BRAT1: variants seen among roughly 807,000 people sequenced by gnomAD.
BRAT1 encodes the protein BRCA1 associated ATM activator 1, also known as integrator complex assembly factor BRAT1.
BRAT1 carries 74 observed loss-of-function variants against 70.6 expected under a neutral mutation model. The observed-to-expected ratio is 1.05, with a 90% CI of 0.87 to 1.27. The LOEUF (loss-of-function observed/expected upper bound fraction) is 1.27, where lower values mean the gene tolerates loss of function less well. Ranked by LOEUF, BRAT1 falls within the 50% of genes most tolerant of loss-of-function variation. The pLI is 0.00. For synonymous variants in BRAT1, 615 were observed against 517.1 expected, an observed-to-expected ratio of 1.19 and a Z score of -2.57; for missense variants, 1,203 against 1,098.2, an observed-to-expected ratio of 1.10 and a Z score of -1.35.
intron 2 of BRAT1, among the ~76,000 whole-genome samples, chr7:2,548,555 A>C (rs1473486286): frequency 6.6e-6 from 1 of 151,996 alleles, no homozygotes; most frequent in Non-Finnish European, 1.5e-5. Flanking sequence ...AGTCCCAGCT[A>C]CTCAGGAGGC....
intron 2 of BRAT1, among the ~76,000 whole-genome samples, chr7:2,549,348 G>T (rs531825661): frequency 2.0e-5 from 3 of 152,008 alleles, no homozygotes; most frequent in African/African-American, 7.2e-5. Context: ...ATGGTGGCGC[G>T]CATCTATAGT....
chr7:2,541,092 C>G (rs1465212556), intron 9 of BRAT1, 40 bp from the exon 10 acceptor site: 1 of 1,505,268 alleles, frequency 6.6e-7, no homozygotes, highest in Non-Finnish European at 8.8e-7. Flanking sequence ...CCCACCCCCA[C>G]CCTAGGACCC....
At chr7:2,550,626 T>A (rs1779939797) in intron 2 of BRAT1, among the ~76,000 whole-genome samples, 1 of 151,234 alleles carries the variant, frequency 6.6e-6, no homozygotes, top group African/African-American at 2.4e-5. Context: ...GCAAACAAAT[T>A]AGCAAGAACA....
rs1330343180 is a variant in BRAT1 at position 2,539,694 on chromosome 7, C to T, written c.1499-52G>A. 6 of 1,550,390 alleles carry T rather than the reference C, an allele frequency of 3.9e-6. No homozygotes were observed. In the South Asian group the frequency reaches 5.9e-5, roughly 15 times the overall value. On this transcript the variant is annotated intron_variant, in intron 11 of 13. Transcript: ENST00000340611. ...TGACCTTGGGGCCAGGCTCACCCTG[C>T]CCTCAGAGCCAGCTGAGCCATTCCA...
At chr7:2,545,496 C>CTTCT (rs1554296640) in intron 3 of BRAT1, among the ~76,000 whole-genome samples, 1 of 130,026 alleles carries the variant, frequency 7.7e-6, no homozygotes, top group African/African-American at 3.0e-5. Context: ...CTTTCTTCTT[C>CTTCT]TTTTTTTTTT....
Position 2,539,906 on chromosome 7 carries a change from G to C in BRAT1, c.1396-18C>G, listed in dbSNP as rs1779014718. ...TTCAGAACCTGGAGCAGATAGGGTG[G>C]GCTGCAGGGCCACGGGAGACGGAGG... is the stretch of plus-strand genomic sequence containing the variant. On this transcript the variant is annotated intron_variant, in intron 10 of 13. Transcript: ENST00000340611. 1.3e-6 allele frequency: 2 copies of C among 1,494,552 alleles called. No individual in the cohort carries two copies. Among genetic ancestry groups the C allele is most frequent in the Non-Finnish European group, 1.8e-6 (2 of 1,116,872 alleles). The allele number at this position is 1,494,552 out of a possible 1,614,324, so 92.6% of individuals were successfully genotyped here.
chr7:2,552,499 G>A (rs1327727887), intron 2 of BRAT1, among the ~76,000 whole-genome samples: 1 of 151,738 alleles, frequency 6.6e-6, no homozygotes, highest in Non-Finnish European at 1.5e-5. Context: ...AGCAGAGGCA[G>A]GTGACTGCCT....
chr7:2,545,971 T>G (rs1317023886), intron 3 of BRAT1, among the ~76,000 whole-genome samples: 1 of 152,226 alleles, frequency 6.6e-6, no homozygotes, highest in African/African-American at 2.4e-5. Flanking sequence ...GTACTGGATG[T>G]GCCTTCGCAC....
Position 2,538,255 on chromosome 7 carries a change from C to T in BRAT1, c.2280G>A (p.Gln760=). 2 of 1,610,750 alleles carry T rather than the reference C, an allele frequency of 1.2e-6. No individual in the cohort carries two copies. Among genetic ancestry groups the T allele is most frequent in the Non-Finnish European group, 1.7e-6 (2 of 1,179,058 alleles). ...GCTCCTGGTCCCCTGGGGGCTGGGC[C>T]TGCTCACCCGCCCGCCACCTCGGCA... ...ATLPRWRAGE[Q]AQPPGDQEPE... The change falls in exon 14 of 14, where the codon CAG becomes CAA. Residue 760 remains glutamine (Q), a synonymous_variant. Transcript: ENST00000340611.
intron 2 of BRAT1, among the ~76,000 whole-genome samples, chr7:2,550,093 G>T (rs1413445576): frequency 6.6e-6 from 1 of 151,548 alleles, no homozygotes; most frequent in African/African-American, 2.4e-5. Flanking sequence ...AGCCCAGGAA[G>T]TTGAGGCTAC....
At chr7:2,541,207 G>C in intron 9 of BRAT1, 91 bp downstream of exon 9, 4 of 1,374,342 alleles carry the variant, frequency 2.9e-6, no homozygotes, top group Non-Finnish European at 3.9e-6. Flanking sequence ...AAGAAACAGA[G>C]AGGGACAGCA....
chr7:2,539,678 G>A (rs1193462803), intron 11 of BRAT1, 36 bp from the exon 12 acceptor site: 1 of 1,562,472 alleles, frequency 6.4e-7, no homozygotes, highest in East Asian at 2.4e-5. Flanking sequence ...GTGACCTTGG[G>A]GCCAGGCTCA....
Position 2,547,332 on chromosome 7 carries a change from A to G in BRAT1, c.274T>C (p.Tyr92His). ...GGAGGCCCCAGGCTCACCTGAAGATACTGGAAGCAGTTTTCCTGGGCTGCG... is the reference window on the plus strand; with the variant it reads ...GGAGGCCCCAGGCTCACCTGAAGATGCTGGAAGCAGTTTTCCTGGGCTGCG... Reference protein sequence around the residue: ...TFAAQENCFQYLQQGELLPGL... With the variant: ...TFAAQENCFQHLQQGELLPGL... The change falls in exon 3 of 14, where the codon TAT (tyrosine) becomes CAT (histidine). Residue 92 changes from tyrosine to histidine, a missense_variant. Physicochemically the swap from Tyr to His is moderately conservative, Grantham distance 83. Transcript: ENST00000340611. 6.2e-7 allele frequency: 1 copy of G among 1,614,102 alleles called. No individual in the cohort carries two copies. The highest frequency in any genetic ancestry group is 8.5e-7 in the Non-Finnish European group (1 of 1,180,004).
chr7:2,543,920 AG>A lies in BRAT1; in HGVS notation c.472del (p.Leu158CysfsTer61). ...CTGACTGGCCGCCGAGGCCACAAAC[AG>A]GCTGGAGTCTCCCTGCAGGGAGAAG... Reference protein sequence around the residue: ...TIFSLQGDSSLFVASAASQLL... With the variant: ...TIFSLQGDSSXFVASAASQLL... On this transcript the variant is annotated frameshift_variant, in exon 5 of 14. Transcript: ENST00000340611. LOFTEE classifies it high-confidence loss of function. This position sits in a 1 kb window ranked among gnomAD's most constrained non-coding sequence, Gnocchi z 5.5. 6.2e-7 allele frequency: 1 copy of A among 1,603,140 alleles called. No homozygotes were observed.
At chr7:2,538,833 C>T (rs934968382) in intron 13 of BRAT1, 69 bp from the exon 14 acceptor site, 13 of 1,573,758 alleles carry the variant, frequency 8.3e-6, no homozygotes, top group African/African-American at 5.4e-5. Context: ...AACAGGACTC[C>T]GGTACATGAT....
At chr7:2,548,777 A>T (rs962702722) in intron 2 of BRAT1, among the ~76,000 whole-genome samples, 3 of 152,190 alleles carry the variant, frequency 2.0e-5, no homozygotes, top group Middle Eastern at 6.8e-3. Context: ...CCTGGCAAAC[A>T]TGGTGAATGA....
chr7:2,542,260 T>C, intron 6 of BRAT1, 49 bp from the exon 7 acceptor site: 1 of 1,466,270 alleles, frequency 6.8e-7, no homozygotes, highest in Non-Finnish European at 9.3e-7. Flanking sequence ...GCGAGACAAG[T>C]TGGCTGTGCT....
chr7:2,545,128 G>C, intron 3 of BRAT1, 72 bp from the exon 4 acceptor site: 1 of 1,408,938 alleles, frequency 7.1e-7, no homozygotes, highest in Non-Finnish European at 9.3e-7. Flanking sequence ...CACTTTGGGA[G>C]GCCGAGGAGG....
At chr7:2,548,487 G>A (rs2128405429) in intron 2 of BRAT1, among the ~76,000 whole-genome samples, 1 of 152,026 alleles carries the variant, frequency 6.6e-6, no homozygotes, top group African/African-American at 2.4e-5. Flanking sequence ...AACATAGCAA[G>A]ACCCTGTCTC....
Sources: gnomAD v4.1 joint callset for allele counts (sites outside exome capture counted in the v4.1 genomes callset) on GRCh38, gnomAD v4.1.1 for gene constraint, Gnocchi (gnomAD v3.1) non-coding constraint, MANE v1.5 for transcripts, NCBI Gene and HGNC (gene_info 2026-07-23, HGNC 2026-07-21) for gene names.